Variants in CACNA1E observed in about 807,000 individuals in gnomAD.
CACNA1E encodes the protein voltage-dependent R-type calcium channel subunit alpha-1E.
In CACNA1E, 40 loss-of-function variants were observed where a neutral mutation model predicts 259.2. The ratio of observed to expected loss-of-function variants is 0.15; its 90% CI spans 0.12 to 0.20. The LOEUF is 0.20. CACNA1E is among the 10% of genes least tolerant of loss of function. The pLI is 1.00. For synonymous variants in CACNA1E, 1,104 were observed against 1,138.5 expected, an observed-to-expected ratio of 0.97 and a Z score of 0.61; for missense variants, 1,874 against 3,040.1, an observed-to-expected ratio of 0.62 and a Z score of 9.02.
At chr1:181,766,704 T>G in intron 35 of CACNA1E, 93 bp downstream of exon 35, 1 of 939,300 alleles carries the variant, frequency 1.1e-6, no homozygotes, top group Non-Finnish European at 1.7e-6. Flanking sequence ...TGAAGATGCT[T>G]TGAACCCCTT....
At chr1:181,445,288 A>G (rs536402827) in intron 2 of CACNA1E, among the ~76,000 whole-genome samples, 1 of 152,294 alleles carries the variant, frequency 6.6e-6, no homozygotes, top group African/African-American at 2.4e-5. Context: ...ACAATACATA[A>G]TCTTCCAATT....
intron 6 of CACNA1E, among the ~76,000 whole-genome samples, chr1:181,584,584 G>C (rs936489288): frequency 5.3e-5 from 8 of 152,140 alleles, no homozygotes; most frequent in African/African-American, 1.9e-4. Flanking sequence ...TTCACTTTCT[G>C]TCTCATTGAG....
chr1:181,691,398 A>G (rs1331205390), intron 7 of CACNA1E, among the ~76,000 whole-genome samples: 1 of 152,052 alleles, frequency 6.6e-6, no homozygotes, highest in Non-Finnish European at 1.5e-5. Flanking sequence ...TAAAGAAAAA[A>G]CAACACAAAT....
At chr1:181,361,604 G>A (rs1233389828) in intron 1 of CACNA1E, among the ~76,000 whole-genome samples, 11 of 152,172 alleles carry the variant, frequency 7.2e-5, no homozygotes, top group African/African-American at 2.4e-5. Flanking sequence ...CATTGAGGCA[G>A]CTGTTTATTC....
At chr1:181,555,629 G>A (rs1442030471) in intron 3 of CACNA1E, among the ~76,000 whole-genome samples, 1 of 152,188 alleles carries the variant, frequency 6.6e-6, no homozygotes, top group Non-Finnish European at 1.5e-5. Flanking sequence ...GAAGGAATAG[G>A]TTAGGACTTA....
chr1:181,529,021 C>G (rs544723838), intron 3 of CACNA1E, among the ~76,000 whole-genome samples: 1 of 152,346 alleles, frequency 6.6e-6, no homozygotes. Context: ...CAGGCCATGT[C>G]AGAGACCTTC....
chr1:181,608,949 A>G (rs1654487452), intron 6 of CACNA1E, among the ~76,000 whole-genome samples: 1 of 152,190 alleles, frequency 6.6e-6, no homozygotes, highest in African/African-American at 2.4e-5. Context: ...TGACCATTTC[A>G]ATCTTCTGCC....
intron 2 of CACNA1E, among the ~76,000 whole-genome samples, chr1:181,420,513 C>CTGAG (rs1658648453): frequency 6.6e-6 from 1 of 152,180 alleles, no homozygotes; most frequent in Non-Finnish European, 1.5e-5. Flanking sequence ...ATGATCTCAT[C>CTGAG]TGAGCCTCAC....
chr1:181,753,279 C>CAGAATG (rs1190964108), intron 27 of CACNA1E, among the ~76,000 whole-genome samples: 1 of 152,216 alleles, frequency 6.6e-6, no homozygotes, highest in Non-Finnish European at 1.5e-5. Context: ...TTCTTAAAAT[C>CAGAATG]CAGATTGCTG....
intron 6 of CACNA1E, among the ~76,000 whole-genome samples, chr1:181,622,127 T>C (rs566392955): frequency 6.6e-6 from 1 of 152,342 alleles, no homozygotes; most frequent in Admixed American, 6.5e-5. Flanking sequence ...TCCATGGCAC[T>C]GGTCCATCAG....
chr1:181,566,666 C>G (rs991076592), intron 3 of CACNA1E, among the ~76,000 whole-genome samples: 2 of 152,178 alleles, frequency 1.3e-5, no homozygotes, highest in African/African-American at 4.8e-5. Flanking sequence ...GCTTCATGCT[C>G]TGAGGAGTTG....
chr1:181,388,841 A>G (rs931799389), intron 1 of CACNA1E, among the ~76,000 whole-genome samples: 7 of 152,184 alleles, frequency 4.6e-5, no homozygotes, highest in African/African-American at 1.7e-4. Context: ...CAGTAAGCCA[A>G]GATGGCGCCA....
chr1:181,526,025 T>C (rs1490011506), intron 3 of CACNA1E, among the ~76,000 whole-genome samples: 2 of 152,176 alleles, frequency 1.3e-5, no homozygotes, highest in Non-Finnish European at 2.9e-5. Context: ...AAAGGGCTCC[T>C]TAATTCAGAA....
At chr1:181,544,348 G>A in intron 3 of CACNA1E, among the ~76,000 whole-genome samples, 1 of 151,332 alleles carries the variant, frequency 6.6e-6, no homozygotes, top group Non-Finnish European at 1.5e-5. Context: ...TTGGAGCGTT[G>A]AAAATGTCCT....
intron 6 of CACNA1E, among the ~76,000 whole-genome samples, chr1:181,635,276 G>A (rs192819144): frequency 5.9e-5 from 9 of 152,290 alleles, no homozygotes; most frequent in Admixed American, 2.0e-4. Context: ...CCTAGAGAAG[G>A]GGTTGTGGGA....
chr1:181,453,734 T>C (rs1661294955), intron 2 of CACNA1E, among the ~76,000 whole-genome samples: 1 of 152,182 alleles, frequency 6.6e-6, no homozygotes, highest in Non-Finnish European at 1.5e-5. Flanking sequence ...CTGACCCTGA[T>C]AAATCTAGTC....
chr1:181,794,375 A>G (rs1033086145), intron 45 of CACNA1E, among the ~76,000 whole-genome samples: 3 of 152,098 alleles, frequency 2.0e-5, no homozygotes, highest in African/African-American at 7.2e-5. Flanking sequence ...CATTCTTAGC[A>G]CTTGTTAAAT....
At position 181,800,006 on chromosome 1, in the gene CACNA1E, T is replaced by C. The variant is rs1467281183; in HGVS notation, c.*1172T>C. 1 of 152,378 alleles carries C rather than the reference T, an allele frequency of 6.6e-6. No homozygotes were observed. The highest frequency in any genetic ancestry group is 1.5e-5 in the Non-Finnish European group (1 of 68,062). 9.4% of individuals were successfully genotyped at this position (152,378 alleles called of 1,614,324 possible). A position where few individuals can be genotyped will look rare whatever the true frequency, so the allele number is the denominator to read the frequency against. ...CTCCTCTGAGAGGGCAGAACACACA[T>C]ATCCAAGTAGGCTACCCACCACTGG... On this transcript the variant is annotated 3_prime_UTR_variant, in exon 48 of 48. Transcript: ENST00000367573.
chr1:181,763,395 T>C lies in CACNA1E; in HGVS notation c.4690-11T>C, dbSNP rs1335258810. ...ATGTTCCTAATTATATGTTTCCTTT[T>C]GGTCCACCAGCTGGTGAACACCAGT... is the stretch of plus-strand genomic sequence containing the variant. On this transcript the variant is annotated splice_polypyrimidine_tract_variant and intron_variant, in intron 33 of 47. Transcript: ENST00000367573. 1.9e-6 allele frequency: 3 copies of C among 1,568,108 alleles called. No individual in the cohort carries two copies. In the African/African-American group the frequency reaches 4.1e-5, roughly 21 times the overall value.
Sources: gnomAD v4.1 joint callset for allele counts (sites outside exome capture counted in the v4.1 genomes callset) on GRCh38, gnomAD v4.1.1 for gene constraint, MANE v1.5 for transcripts, NCBI Gene and HGNC (gene_info 2026-07-23, HGNC 2026-07-21) for gene names.